Variants in CHRDL1 observed in about 807,000 individuals in gnomAD.
The protein encoded by CHRDL1 is chordin like 1.
CHRDL1 carries 19 observed loss-of-function variants against 40.9 expected under a neutral mutation model. The observed-to-expected ratio is 0.46, with a 90% CI of 0.32 to 0.68. CHRDL1 has a LOEUF of 0.68. Ranked by LOEUF, CHRDL1 falls within the 30% of genes least tolerant of loss-of-function variation. The pLI is 0.03. For synonymous variants in CHRDL1, 136 were observed against 123.4 expected (o/e 1.10, Z -0.68); for missense variants, 329 against 352.1 (o/e 0.93, Z 0.53).
rs762366691 is a variant in CHRDL1 at position 110,694,238 on chromosome X, C to T, written c.703G>A (p.Ala235Thr). 1 of 1,208,291 alleles carries T rather than the reference C, an allele frequency of 8.3e-7. No homozygotes were observed. The highest frequency in any genetic ancestry group is 3.0e-5 in the East Asian group (1 of 33,826). The change falls in exon 8 of 12, where the codon GCT becomes ACT. Residue 235 changes from alanine to threonine, a missense_variant. Physicochemically the swap from Ala to Thr is moderately conservative, Grantham distance 58 (BLOSUM62 0). Transcript: ENST00000372042. ...RFPGARSHRG[A>T]LMDSQQASGT... is the part of the protein sequence containing the mutation. Reference sequence around the variant, plus strand: ...GATGCTTGCTGGGAATCCATAAGAGCTCCCCGGTGACTTCTGGCCCCAGGA... The same window carrying T: ...GATGCTTGCTGGGAATCCATAAGAGTTCCCCGGTGACTTCTGGCCCCAGGA...
In CHRDL1 at chrX:110,760,317, T is replaced by C. The variant is rs755678889; in HGVS notation, c.208-563A>G. Among the ~76,000 whole-genome samples, 4 of 112,339 alleles carry C rather than the reference T, an allele frequency of 3.6e-5. 1 individual carries two copies. In the South Asian group the frequency reaches 1.5e-3, roughly 42 times the overall value. The stretch of plus-strand genomic sequence containing the variant: ...AATTTAGCTGATTAGGTAGTATGCC[T>C]GGGTGGGGCGACTGGGTCCCTGCCT... On this transcript the variant is annotated intron_variant, in intron 3 of 11. Coordinates refer to ENST00000372042, the MANE Select transcript of CHRDL1 (RefSeq NM_001143981.2).
At chrX:110,682,964 A>G (rs1298413282) in intron 9 of CHRDL1, among the ~76,000 whole-genome samples, 1 of 112,260 alleles carries the variant, frequency 8.9e-6, no homozygotes, top group African/African-American at 3.2e-5. Context: ...GAGAGGGAAG[A>G]GGTCACTGAG....
intron 4 of CHRDL1, among the ~76,000 whole-genome samples, chrX:110,754,935 TTC>T (rs1237361921): frequency 3.6e-5 from 4 of 110,029 alleles, no homozygotes; most frequent in East Asian, 2.8e-4. Flanking sequence ...TGTGATAAAA[TTC>T]TCTCTCTGTG....
At chrX:110,735,721 G>C (rs764331682) in intron 4 of CHRDL1, among the ~76,000 whole-genome samples, 4 of 112,602 alleles carry the variant, frequency 3.6e-5, no homozygotes, top group African/African-American at 1.3e-4. Context: ...GGCACCTGGA[G>C]ACACAAAGAA....
intron 2 of CHRDL1, among the ~76,000 whole-genome samples, chrX:110,780,239 A>G (rs1275830315): frequency 1.8e-5 from 2 of 110,957 alleles, no homozygotes. Flanking sequence ...TTCTTTTGAC[A>G]ACAGGAATGA....
rs533502543 is a variant in CHRDL1, at chrX:110,748,208, T to C, written c.301+11453A>G. Among the ~76,000 whole-genome samples, 11 of 112,161 alleles carry C rather than the reference T, an allele frequency of 9.8e-5. No individual in the cohort carries two copies. In the South Asian group the frequency reaches 1.9e-3, roughly 19 times the overall value. ...ACATCACCTCATAGGTTTCATACTC[T>C]AATCCTTTAATAATCTTTCTAATAA... On this transcript the variant is annotated intron_variant, in intron 4 of 11. Transcript: ENST00000372042.
chrX:110,733,226 A>G (rs1260044508), intron 4 of CHRDL1, among the ~76,000 whole-genome samples: 1 of 111,656 alleles, frequency 9.0e-6, no homozygotes, highest in Non-Finnish European at 1.9e-5. Context: ...ACTGCTTGTG[A>G]GTAAGCACAC....
chrX:110,679,203 T>G, intron 11 of CHRDL1, 133 bp downstream of exon 11: 1 of 499,005 alleles, frequency 2.0e-6, no homozygotes, highest in South Asian at 3.2e-5. Context: ...AGAAGAGAGA[T>G]GGAACATCCT....
chrX:110,710,104 T>C (rs2070720829), intron 6 of CHRDL1, among the ~76,000 whole-genome samples: 1 of 112,305 alleles, frequency 8.9e-6, no homozygotes, highest in Non-Finnish European at 1.9e-5. Flanking sequence ...GACCTACCCA[T>C]GCTGACTGTC....
chrX:110,771,509 A>C (rs1345351654), intron 2 of CHRDL1, among the ~76,000 whole-genome samples: 1 of 112,475 alleles, frequency 8.9e-6, no homozygotes. Flanking sequence ...TTATCCTGGA[A>C]ATTCAAGGCT....
In CHRDL1 at chrX:110,795,403, G is replaced by A. The variant is rs1212980130; in HGVS notation, c.-35+341C>T. Among the ~76,000 whole-genome samples the A allele has an allele frequency of 6.2e-5, 7 of 112,023 alleles. No homozygotes were observed. The Admixed American group carries it at 6.6e-4, about 11-fold the overall frequency. On this transcript the variant is annotated intron_variant, in intron 1 of 11. Transcript: ENST00000372042. ...TGAGAAAACAGGCTCAGGAATACAG[G>A]CAGTGATTAAGGGGACTGCAGAGTC...
intron 6 of CHRDL1, among the ~76,000 whole-genome samples, chrX:110,711,951 T>C (rs984620048): frequency 2.7e-5 from 3 of 112,179 alleles, no homozygotes; most frequent in Non-Finnish European, 5.6e-5. Flanking sequence ...ATTTGAGATA[T>C]GTTGGATGAA....
Position 110,695,303 on chromosome X carries a change from C to T in CHRDL1, c.610-972G>A, listed in dbSNP as rs190726329. 7.3e-3 allele frequency among the ~76,000 whole-genome samples: 821 copies of T among 111,787 alleles called. 5 individuals are homozygous for T. The highest frequency in any genetic ancestry group is 0.025 in the African/African-American group (773 of 30,788). On this transcript the variant is annotated intron_variant, in intron 7 of 11. Transcript: ENST00000372042. ...AAGGACTTTTTGTTCACTGCTATAT[C>T]TCCAGTGCCTAGATTTTAGTGTCAG...
chrX:110,733,931 CAAAAAAAA>C (rs1172760631), intron 4 of CHRDL1, among the ~76,000 whole-genome samples: 1 of 12,127 alleles, frequency 8.2e-5, no homozygotes. Context: ...AACTCTGTCT[CAAAAAAAA>C]AAAAAAAAAA....
intron 7 of CHRDL1, among the ~76,000 whole-genome samples, chrX:110,697,813 TCCACACACACACACACAC>T (rs2070421312): frequency 3.2e-5 from 1 of 31,146 alleles, no homozygotes; most frequent in African/African-American, 8.7e-5. Flanking sequence ...ACCACACCAC[TCCACACACACACACACAC>T]ACACACACAC....
chrX:110,726,945 T>C (rs1392256998), intron 4 of CHRDL1, among the ~76,000 whole-genome samples: 1 of 112,294 alleles, frequency 8.9e-6, no homozygotes, highest in Non-Finnish European at 1.9e-5. Flanking sequence ...GATCCTTGAC[T>C]ATACATTGAC....
chrX:110,714,582 G>A (rs2070806865), intron 6 of CHRDL1, among the ~76,000 whole-genome samples: 1 of 111,229 alleles, frequency 9.0e-6, no homozygotes, highest in Admixed American at 9.6e-5. Context: ...GTTTGCTGAA[G>A]TGCTAGCAAT....
intron 6 of CHRDL1, among the ~76,000 whole-genome samples, chrX:110,702,156 G>A (rs1042470549): frequency 2.7e-5 from 3 of 110,795 alleles, no homozygotes; most frequent in Non-Finnish European, 3.8e-5. Context: ...ACCCCCTACT[G>A]CCTACCCAAT....
At chrX:110,696,710 G>A (rs1190272037) in intron 7 of CHRDL1, among the ~76,000 whole-genome samples, 1 of 111,164 alleles carries the variant, frequency 9.0e-6, no homozygotes, top group Non-Finnish European at 1.9e-5. Flanking sequence ...AAATCACCCG[G>A]TGAGCTGTAA....
Sources: allele counts gnomAD v4.1 joint callset (sites outside exome capture counted in the v4.1 genomes callset), GRCh38; gene constraint gnomAD v4.1.1; transcripts MANE v1.5; gene names NCBI Gene and HGNC (gene_info 2026-07-23, HGNC 2026-07-21).